Variants in ABCA1 observed in about 807,000 individuals in gnomAD.
ABCA1 encodes ATP binding cassette subfamily A member 1.
A neutral mutation model predicts 262.5 loss-of-function variants in ABCA1; 133 were observed. That is an observed-to-expected ratio of 0.51 (90% CI 0.44 to 0.59). The LOEUF (loss-of-function observed/expected upper bound fraction) is 0.59, where lower values mean the gene tolerates loss of function less well. Ranked by LOEUF, ABCA1 falls within the 20% of genes least tolerant of loss-of-function variation. The pLI is 0.00. For missense variants in ABCA1, 2,452 were observed against 2,777.5 expected, an observed-to-expected ratio of 0.88 and a Z score of 2.63; for synonymous variants, 1,022 against 1,043.5, an observed-to-expected ratio of 0.98 and a Z score of 0.40.
At chr9:104,874,777 TG>T (rs1370289490) in intron 5 of ABCA1, among the ~76,000 whole-genome samples, 1 of 132,742 alleles carries the variant, frequency 7.5e-6, no homozygotes, top group Non-Finnish European at 1.6e-5. Flanking sequence ...GGGAGGGAGG[TG>T]GGGGGCAGCC....
At chr9:104,830,137 G>A (rs1262507661) in intron 14 of ABCA1, among the ~76,000 whole-genome samples, 1 of 152,174 alleles carries the variant, frequency 6.6e-6, no homozygotes, top group Admixed American at 6.5e-5. Context: ...TGAGAACTTG[G>A]CAGCTTAGTG....
chr9:104,842,580 T>TC (rs1447809666), intron 8 of ABCA1, among the ~76,000 whole-genome samples: 7 of 152,124 alleles, frequency 4.6e-5, no homozygotes, highest in South Asian at 2.1e-4. Flanking sequence ...CAGCTCACAC[T>TC]CCAAACTTTA....
chr9:104,908,341 T>C (rs1841294920), intron 1 of ABCA1, among the ~76,000 whole-genome samples: 1 of 152,180 alleles, frequency 6.6e-6, no homozygotes, highest in South Asian at 2.1e-4. Flanking sequence ...CTGGAAACAA[T>C]TAGTTGTCGA....
At chr9:104,832,849 T>C in intron 11 of ABCA1, 78 bp from the exon 12 acceptor site, 1 of 1,336,496 alleles carries the variant, frequency 7.5e-7, no homozygotes, top group Non-Finnish European at 1.1e-6. Flanking sequence ...ACAAAATACT[T>C]GCATATACAC....
chr9:104,862,637 G>GCCCCCCACC (rs1554729290), intron 5 of ABCA1, among the ~76,000 whole-genome samples: 1 of 1,714 alleles, frequency 5.8e-4, no homozygotes. Flanking sequence ...AGACTGCCGG[G>GCCCCCCACC]CCGGGCCGGG....
At chr9:104,841,466 A>C (rs1834366684) in intron 8 of ABCA1, among the ~76,000 whole-genome samples, 1 of 143,400 alleles carries the variant, frequency 7.0e-6, no homozygotes, top group South Asian at 2.2e-4. Context: ...AAAGAAAAAG[A>C]AAAACTCAAG....
rs140554012 is a variant in ABCA1 at position 104,800,473 on chromosome 9, T to C, written c.4773+37A>G. 1.3e-4 allele frequency: 204 copies of C among 1,581,010 alleles called. 1 individual carries two copies. In the African/African-American group the frequency reaches 1.9e-3, roughly 14 times the overall value. ...CTCCAGGAAACATAAGGATTATTGT[T>C]CATCAAAAAGCTACTAGAACAAAGA... On this transcript the variant is annotated intron_variant, in intron 35 of 49. Coordinates refer to ENST00000374736, the MANE Select transcript of ABCA1 (RefSeq NM_005502.4).
chr9:104,797,496 G>C (rs184391568), intron 37 of ABCA1, among the ~76,000 whole-genome samples: 3 of 152,304 alleles, frequency 2.0e-5, no homozygotes, highest in Admixed American at 1.3e-4. Flanking sequence ...GTGAGCTAAA[G>C]ATCAACTCCC....
intron 4 of ABCA1, among the ~76,000 whole-genome samples, chr9:104,883,737 C>A (rs1366523287): frequency 6.6e-6 from 1 of 152,244 alleles, no homozygotes; most frequent in Non-Finnish European, 1.5e-5. Context: ...CGTGCCGCAG[C>A]TGCAGCTTCC....
At chr9:104,803,667 G>C (rs1830532436) in intron 32 of ABCA1, among the ~76,000 whole-genome samples, 1 of 152,028 alleles carries the variant, frequency 6.6e-6, no homozygotes. Context: ...GAATGCAATG[G>C]CATGAACTCA....
intron 37 of ABCA1, among the ~76,000 whole-genome samples, chr9:104,797,891 A>C (rs1009944738): frequency 6.6e-6 from 1 of 152,250 alleles, no homozygotes; most frequent in Admixed American, 6.5e-5. Context: ...GAGATATTGT[A>C]AAGTAGAGTT....
intron 8 of ABCA1, among the ~76,000 whole-genome samples, chr9:104,842,204 C>A (rs78733415): frequency 0.01 from 1,585 of 152,290 alleles, 30 homozygotes; most frequent in African/African-American, 0.036. Context: ...AGAGAGGGGG[C>A]ATCTAGCACA....
At chr9:104,882,028 T>TAAAAAAAAAAAAAAAAAAAAAAAAAA (rs557626075) in intron 5 of ABCA1, among the ~76,000 whole-genome samples, 34 of 73,748 alleles carry the variant, frequency 4.6e-4, no homozygotes, top group East Asian at 2.2e-3. Flanking sequence ...TCTGTAGCCT[T>TAAAAAAAAAAAAAAAAAAAAAAAAAA]AAAAAAAAAA....
chr9:104,899,145 G>T (rs1428330976), intron 2 of ABCA1, among the ~76,000 whole-genome samples: 1 of 152,138 alleles, frequency 6.6e-6, no homozygotes, highest in Non-Finnish European at 1.5e-5. Context: ...TCATTCCGTA[G>T]AAGAGAAAAC....
At chr9:104,814,326 T>G (rs138881111) in intron 26 of ABCA1, 95 bp from the exon 27 acceptor site, 2 of 1,558,080 alleles carry the variant, frequency 1.3e-6, no homozygotes, top group African/African-American at 2.7e-5. Flanking sequence ...CAAATGAGAA[T>G]GCAATAGAAC....
intron 10 of ABCA1, 145 bp from the exon 11 acceptor site, chr9:104,837,241 A>AT: frequency 9.5e-7 from 1 of 1,050,242 alleles, no homozygotes; most frequent in Non-Finnish European, 1.4e-6. Context: ...GCTTGTAACT[A>AT]TGATTCTATA....
intron 8 of ABCA1, among the ~76,000 whole-genome samples, chr9:104,840,771 G>A (rs1834294622): frequency 6.6e-6 from 1 of 152,120 alleles, no homozygotes; most frequent in African/African-American, 2.4e-5. Flanking sequence ...CGGATTCTGA[G>A]ACCCCTCTGC....
chr9:104,788,420 C>T lies in ABCA1; in HGVS notation c.6069+6G>A. On this transcript the variant is annotated splice_donor_region_variant and intron_variant, in intron 45 of 49. Coordinates refer to ENST00000374736, the MANE Select transcript of ABCA1 (RefSeq NM_005502.4). ...AGACAGGCTGGCTTTCAGGTGCCCA[C>T]AGTACCTTGCCAACTTCTTTCTCTG... 6.2e-7 allele frequency: 1 copy of T among 1,614,114 alleles called. No homozygotes were observed. Among genetic ancestry groups the T allele is most frequent in the Non-Finnish European group, 8.5e-7 (1 of 1,179,958 alleles).
chr9:104,905,144 G>A (rs1041845908), intron 1 of ABCA1, among the ~76,000 whole-genome samples: 9 of 152,182 alleles, frequency 5.9e-5, no homozygotes, highest in African/African-American at 2.2e-4. Context: ...ATGGCTCAGT[G>A]AATCACTGTG....
Sources: allele counts gnomAD v4.1 joint callset (sites outside exome capture counted in the v4.1 genomes callset), GRCh38; gene constraint gnomAD v4.1.1; transcripts MANE v1.5; gene names NCBI Gene and HGNC (gene_info 2026-07-23, HGNC 2026-07-21).